Variants in LGR5 observed in about 807,000 individuals in gnomAD.
The protein encoded by LGR5 is leucine-rich repeat-containing G protein-coupled receptor 5.
In LGR5, 54 loss-of-function variants were observed where a neutral mutation model predicts 76.7. The ratio of observed to expected loss-of-function variants is 0.70; its 90% CI spans 0.57 to 0.88. The LOEUF (loss-of-function observed/expected upper bound fraction) is 0.88. Among genes scored for constraint, LGR5 ranks in the 40% least tolerant of loss-of-function variants. LGR5 has a pLI of 0.00. For synonymous variants in LGR5, 406 were observed against 421.9 expected (o/e 0.96, Z 0.46); for missense variants, 1,078 against 1,073.3 (o/e 1.00, Z -0.06).
At chr12:71,524,780 G>T (rs1163147473) in intron 3 of LGR5, among the ~76,000 whole-genome samples, 1 of 152,062 alleles carries the variant, frequency 6.6e-6, no homozygotes, top group East Asian at 1.9e-4. Flanking sequence ...TGAAATTGGG[G>T]TGCGTGTCTT....
chr12:71,533,794 A>C (rs934733711), intron 3 of LGR5, among the ~76,000 whole-genome samples: 1 of 152,242 alleles, frequency 6.6e-6, no homozygotes, highest in Admixed American at 6.5e-5. Context: ...TCGCTGAGGC[A>C]TAGAGAGATT....
intron 1 of LGR5, among the ~76,000 whole-genome samples, chr12:71,474,317 T>C (rs1050226779): frequency 2.6e-5 from 4 of 152,198 alleles, no homozygotes; most frequent in Non-Finnish European, 5.9e-5. Context: ...CACTCATTAG[T>C]TTCAAAAGTT....
intron 1 of LGR5, among the ~76,000 whole-genome samples, chr12:71,503,884 AG>A (rs781627324): frequency 8.5e-5 from 13 of 152,108 alleles, no homozygotes; most frequent in African/African-American, 2.4e-5. Flanking sequence ...GTAAAGAAAT[AG>A]GGGGGAAAAA....
chr12:71,474,456 A>G (rs1873239401), intron 1 of LGR5, among the ~76,000 whole-genome samples: 1 of 152,220 alleles, frequency 6.6e-6, no homozygotes, highest in South Asian at 2.1e-4. Context: ...TTAACATTGA[A>G]ACTGTCTTGG....
chr12:71,495,997 C>T (rs1874298697), intron 1 of LGR5, among the ~76,000 whole-genome samples: 1 of 152,152 alleles, frequency 6.6e-6, no homozygotes, highest in Non-Finnish European at 1.5e-5. Flanking sequence ...TGAAAAGATG[C>T]TCAGCTCTAT....
rs114930437 is a variant in LGR5, at chr12:71,513,703, A to G, written c.284+9018A>G. On this transcript the variant is annotated intron_variant, in intron 2 of 17. Coordinates refer to ENST00000266674, the MANE Select transcript of LGR5 (RefSeq NM_003667.4). ...GTTTGATAAATGGTAGCTACTATTTATATGTCCAAAAGCACTATATGTGGC... is the reference window on the plus strand; with the variant it reads ...GTTTGATAAATGGTAGCTACTATTTGTATGTCCAAAAGCACTATATGTGGC... 2.4e-3 allele frequency among the ~76,000 whole-genome samples: 372 copies of G among 152,350 alleles called. 2 individuals are homozygous for G. The highest frequency in any genetic ancestry group is 8.5e-3 in the African/African-American group (352 of 41,580).
In LGR5 at chr12:71,553,181, C is replaced by A. The variant is rs1202065669; in HGVS notation, c.537C>A (p.Val179=). ...ACAATGCGTTAACAGAAATCCCCGTCCAGGCTTTTAGAAGTTTATCGGCAT... is the reference window on the plus strand; with the variant it reads ...ACAATGCGTTAACAGAAATCCCCGTACAGGCTTTTAGAAGTTTATCGGCAT... ...LDDNALTEIP[V]QAFRSLSALQ... Residue 179 remains valine, a synonymous_variant, in exon 5 of 18, where the codon GTC becomes GTA. Transcript: ENST00000266674. The A allele has an allele frequency of 6.2e-7, 1 of 1,613,942 alleles. No individual in the cohort carries two copies. Among genetic ancestry groups the A allele is most frequent in the African/African-American group, 1.3e-5 (1 of 74,896 alleles).
In LGR5 at chr12:71,451,400, CA is replaced by C. The variant is rs562177071; in HGVS notation, c.212+11110del. 1.3e-3 allele frequency among the ~76,000 whole-genome samples: 193 copies of C among 152,264 alleles called. 2 individuals are homozygous for C. The highest frequency in any genetic ancestry group is 6.2e-4 in the South Asian group (3 of 4,830). ...TAGCTTTAGTCTGAATTTAACACCCCAAGCTCTCTTCTCTCCAGCCATTTCA... is the reference window on the plus strand; with the variant it reads ...TAGCTTTAGTCTGAATTTAACACCCCAGCTCTCTTCTCTCCAGCCATTTCA... On this transcript the variant is annotated intron_variant, in intron 1 of 17. Coordinates refer to ENST00000266674, the MANE Select transcript of LGR5 (RefSeq NM_003667.4).
intron 5 of LGR5, among the ~76,000 whole-genome samples, chr12:71,556,025 G>A (rs974608700): frequency 1.6e-4 from 25 of 152,148 alleles, no homozygotes; most frequent in Non-Finnish European, 2.8e-4. Flanking sequence ...TCCTTTGCAG[G>A]AACATGGATG....
At chr12:71,468,061 C>G (rs2137237996) in intron 1 of LGR5, among the ~76,000 whole-genome samples, 1 of 152,164 alleles carries the variant, frequency 6.6e-6, no homozygotes, top group South Asian at 2.1e-4. Flanking sequence ...ATGCTTTAGC[C>G]TTCATCTATT....
At chr12:71,470,709 C>T (rs996895381) in intron 1 of LGR5, among the ~76,000 whole-genome samples, 5 of 152,296 alleles carry the variant, frequency 3.3e-5, no homozygotes, top group African/African-American at 1.2e-4. Flanking sequence ...TACTCCCACC[C>T]CATCTCTAGG....
At chr12:71,506,604 G>A (rs1381360565) in intron 2 of LGR5, among the ~76,000 whole-genome samples, 1 of 152,012 alleles carries the variant, frequency 6.6e-6, no homozygotes, top group East Asian at 1.9e-4. Flanking sequence ...CAAATATCTT[G>A]ACCATAGAAT....
chr12:71,540,126 A>G (rs1428641459), intron 4 of LGR5, among the ~76,000 whole-genome samples: 2 of 152,100 alleles, frequency 1.3e-5, no homozygotes, highest in African/African-American at 2.4e-5. Flanking sequence ...ATACCCTCAC[A>G]CTTTTATATT....
intron 1 of LGR5, among the ~76,000 whole-genome samples, chr12:71,481,901 A>C (rs1011847772): frequency 4.6e-5 from 7 of 152,214 alleles, no homozygotes; most frequent in African/African-American, 1.7e-4. Flanking sequence ...TTTAACAGAC[A>C]TAACAGACAC....
At chr12:71,583,134 G>C (rs1879164831) in intron 17 of LGR5, among the ~76,000 whole-genome samples, 1 of 152,090 alleles carries the variant, frequency 6.6e-6, no homozygotes, top group Admixed American at 6.5e-5. Context: ...AAAAAAGATA[G>C]CTAGGAAGAG....
chr12:71,494,715 T>C (rs112178520), intron 1 of LGR5, among the ~76,000 whole-genome samples: 2 of 151,078 alleles, frequency 1.3e-5, no homozygotes, highest in African/African-American at 5.0e-5. Context: ...CCTGTCTTTT[T>C]AAAATTCTAT....
chr12:71,478,203 C>T (rs1873425716), intron 1 of LGR5, among the ~76,000 whole-genome samples: 1 of 152,080 alleles, frequency 6.6e-6, no homozygotes, highest in Non-Finnish European at 1.5e-5. Context: ...AACTTATTAA[C>T]CAATAACAGT....
intron 12 of LGR5, among the ~76,000 whole-genome samples, 199 bp from the exon 13 acceptor site, chr12:71,572,651 G>T (rs573350691): frequency 6.6e-6 from 1 of 152,278 alleles, no homozygotes; most frequent in Admixed American, 6.5e-5. Flanking sequence ...AAGCAAACTA[G>T]CTCCTTTGAA....
At chr12:71,465,519 C>T (rs891875919) in intron 1 of LGR5, among the ~76,000 whole-genome samples, 1 of 152,270 alleles carries the variant, frequency 6.6e-6, no homozygotes, top group African/African-American at 2.4e-5. Context: ...CTTTTCTCCC[C>T]CTGTGCTTTA....
Sources: gnomAD v4.1 joint callset for allele counts (sites outside exome capture counted in the v4.1 genomes callset) on GRCh38, gnomAD v4.1.1 for gene constraint, MANE v1.5 for transcripts, NCBI Gene and HGNC (gene_info 2026-07-23, HGNC 2026-07-21) for gene names.